Variants in LY75 observed in about 807,000 individuals in gnomAD.
LY75 encodes the protein lymphocyte antigen 75.
LY75 carries 185 observed loss-of-function variants against 231.7 expected under a neutral mutation model. That is an observed-to-expected ratio of 0.80 (90% CI 0.71 to 0.90). The LOEUF (loss-of-function observed/expected upper bound fraction) is 0.90, where lower values mean the gene tolerates loss of function less well. Among genes scored for constraint, LY75 ranks in the 40% least tolerant of loss-of-function variants. The pLI is 0.00. For missense variants in LY75, 1,947 were observed against 2,050.2 expected, an observed-to-expected ratio of 0.95 and a Z score of 0.97; for synonymous variants, 668 against 689.0, an observed-to-expected ratio of 0.97 and a Z score of 0.48.
At chr2:159,833,664 A>C (rs755331603) in intron 27 of LY75, among the ~76,000 whole-genome samples, 6 of 152,238 alleles carry the variant, frequency 3.9e-5, no homozygotes, top group Admixed American at 1.3e-4. Context: ...AAGTAATGAC[A>C]GTATAATATA....
chr2:159,807,022 T>C lies in LY75; in HGVS notation c.4941A>G (p.Lys1647=), dbSNP rs140851491. Residue 1647 remains lysine, a synonymous_variant, in exon 34 of 35, where the codon AAA becomes AAG. Coordinates refer to ENST00000263636, the MANE Select transcript of LY75 (RefSeq NM_002349.4). Reference sequence around the variant, plus strand: ...TTCCAAAACCATGTTCACATTCAACTTTTTTCCAAGTTTCATTTGAAGCTA... The same window carrying C: ...TTCCAAAACCATGTTCACATTCAACCTTTTTCCAAGTTTCATTTGAAGCTA... The part of the protein sequence containing the change: ...MLIASNETWK[K]VECEHGFGRV... 1 of 1,613,898 alleles carries C rather than the reference T, an allele frequency of 6.2e-7. No homozygotes were observed. The highest frequency in any genetic ancestry group is 2.2e-5 in the East Asian group (1 of 44,860).
At chr2:159,872,645 C>A in intron 12 of LY75, 52 bp from the exon 13 acceptor site, 1 of 1,585,490 alleles carries the variant, frequency 6.3e-7, no homozygotes, top group South Asian at 1.1e-5. Context: ...TAAAGTATTT[C>A]ATAGTGCTAA....
Position 159,805,019 on chromosome 2 carries a change from C to T in LY75, c.*25G>A. 2 of 1,597,278 alleles carry T rather than the reference C, an allele frequency of 1.3e-6. No individual in the cohort carries two copies. The highest frequency in any genetic ancestry group is 2.2e-5 in the South Asian group (2 of 90,138). ...ACTAATTTCTCATAACACATTAGTG[C>T]AAATTAGAAAACTTTTAGAAGAATT... On this transcript the variant is annotated 3_prime_UTR_variant, in exon 35 of 35. Coordinates refer to ENST00000263636, the MANE Select transcript of LY75 (RefSeq NM_002349.4).
At chr2:159,825,512 T>A (rs905215094) in intron 28 of LY75, among the ~76,000 whole-genome samples, 1 of 152,188 alleles carries the variant, frequency 6.6e-6, no homozygotes, top group South Asian at 2.1e-4. Context: ...GATTCACAGC[T>A]GAATTCTACC....
intron 32 of LY75, among the ~76,000 whole-genome samples, chr2:159,808,815 T>G (rs1682867507): frequency 2.0e-5 from 3 of 152,186 alleles, no homozygotes; most frequent in Admixed American, 2.0e-4. Flanking sequence ...TGGCAATATT[T>G]TTTTGGCCCT....
chr2:159,805,982 C>T (rs1414333893), intron 34 of LY75, among the ~76,000 whole-genome samples: 1 of 152,168 alleles, frequency 6.6e-6, no homozygotes, highest in Non-Finnish European at 1.5e-5. Context: ...CTTGTTCTGC[C>T]TTAGGCTCTT....
intron 16 of LY75, 148 bp from the exon 17 acceptor site, chr2:159,855,087 T>C (rs2125856987): frequency 1.0e-6 from 1 of 969,016 alleles, no homozygotes; most frequent in East Asian, 2.7e-5. Flanking sequence ...TTTGATCACT[T>C]TAGTTGTATT....
At position 159,890,313 on chromosome 2, in the gene LY75, A is replaced by G. The variant is rs115261904; in HGVS notation, c.702T>C (p.Thr234=). Residue 234 remains threonine (T), a synonymous_variant, in exon 4 of 35, where the codon ACT becomes ACC. Coordinates refer to ENST00000263636, the MANE Select transcript of LY75 (RefSeq NM_002349.4). ...EQFGSCYQFN[T]QTALSWKEAY... is the part of the protein sequence containing the mutation. ...CTTCTTTCCAAGAAAGAGCCGTCTG[A>G]GTATTAAATTGGTAGCAACTTCCAA... The G allele has an allele frequency of 6.2e-7, 1 of 1,613,534 alleles. No individual in the cohort carries two copies. Among genetic ancestry groups the G allele is most frequent in the East Asian group, 2.2e-5 (1 of 44,860 alleles).
intron 28 of LY75, among the ~76,000 whole-genome samples, chr2:159,831,168 C>T (rs1285640765): frequency 6.6e-6 from 1 of 152,184 alleles, no homozygotes; most frequent in Non-Finnish European, 1.5e-5. Context: ...GAGGAGGGGC[C>T]TGGTGGGAGG....
rs114527044 is a variant in LY75 at position 159,882,362 on chromosome 2, G to A, written c.1055-47C>T. 1.0e-3 allele frequency: 1,576 copies of A among 1,574,748 alleles called. 16 individuals carry two copies. In the African/African-American group the frequency reaches 0.02, roughly 20 times the overall value. On this transcript the variant is annotated intron_variant, in intron 6 of 34. Transcript: ENST00000263636. ...ATATTCCAGTAAAGATACATCTATT[G>A]TGAATCAATAACATTGCAAATTCTT...
intron 16 of LY75, among the ~76,000 whole-genome samples, chr2:159,855,687 A>C (rs1405115166): frequency 1.3e-5 from 2 of 152,254 alleles, no homozygotes; most frequent in East Asian, 3.9e-4. Context: ...TACCTGACTC[A>C]CAGAGAGTGA....
chr2:159,904,098 C>A (rs1471645279), intron 1 of LY75, among the ~76,000 whole-genome samples: 1 of 151,172 alleles, frequency 6.6e-6, no homozygotes, highest in East Asian at 1.9e-4. Flanking sequence ...CTGATGCGCA[C>A]CGTAGGCGCA....
intron 3 of LY75, 36 bp from the exon 4 acceptor site, chr2:159,890,413 G>C: frequency 6.2e-7 from 1 of 1,608,310 alleles, no homozygotes. Context: ...CATAAAGTAA[G>C]GACATAATGT....
At position 159,840,912 on chromosome 2, in the gene LY75, T is replaced by C. The variant is rs781494090; in HGVS notation, c.3324A>G (p.Val1108=). Residue 1108 remains valine, a synonymous_variant, in exon 25 of 35, where the codon GTA becomes GTG. Coordinates refer to ENST00000263636, the MANE Select transcript of LY75 (RefSeq NM_002349.4). ...RQTLQNASET[V]KYLNNLYKII... ...TTTTGTACAGATTATTTAGATACTT[T>C]ACAGTTTCTGAAGCATTCTGCAACG... 4 of 1,614,096 alleles carry C rather than the reference T, an allele frequency of 2.5e-6. No individual in the cohort carries two copies. The highest frequency in any genetic ancestry group is 2.2e-5 in the East Asian group (1 of 44,890).
At chr2:159,850,952 A>T (rs188701116) in intron 21 of LY75, among the ~76,000 whole-genome samples, 1 of 151,064 alleles carries the variant, frequency 6.6e-6, no homozygotes, top group East Asian at 1.9e-4. Flanking sequence ...CTCACAATGG[A>T]GACAGAAACT....
rs1228443876 is a variant in LY75, at chr2:159,874,668, ATTTT to A, written c.1974+772_1974+775del. 4.3e-4 allele frequency among the ~76,000 whole-genome samples: 47 copies of A among 109,168 alleles called. 1 individual carries two copies. Among genetic ancestry groups the A allele is most frequent in the African/African-American group, 1.6e-3 (44 of 27,200 alleles). The allele number at this position is 109,168 out of a possible 152,430, so 71.6% of individuals were successfully genotyped here. ...ATATATATTTTGTAAATATATATAT[ATTTT>A]GTAAATATATGTAAATATATATATT... On this transcript the variant is annotated intron_variant, in intron 12 of 34. Transcript: ENST00000263636.
At chr2:159,822,356 G>T (rs1683324084) in intron 28 of LY75, among the ~76,000 whole-genome samples, 1 of 152,240 alleles carries the variant, frequency 6.6e-6, no homozygotes, top group Non-Finnish European at 1.5e-5. Flanking sequence ...GGTCGGGGGA[G>T]TGGCATCCGC....
Position 159,875,483 on chromosome 2 carries a change from T to C in LY75, c.1935A>G (p.Glu645=), listed in dbSNP as rs777521541. 8.1e-6 allele frequency: 13 copies of C among 1,613,746 alleles called. No individual in the cohort carries two copies. The Admixed American group carries it at 1.0e-4, about 12-fold the overall frequency. Residue 645 remains glutamate, a synonymous_variant, in exon 12 of 35, where the codon GAA becomes GAG. Coordinates refer to ENST00000263636, the MANE Select transcript of LY75 (RefSeq NM_002349.4). The part of the protein sequence containing the change: ...ASPKPDDPCP[E]GWQSFPASLS... ...GACTTGCGGGGAAACTCTGCCAGCC[T>C]TCAGGACAGGGGTCATCAGGCTTAG...
intron 2 of LY75, among the ~76,000 whole-genome samples, chr2:159,897,233 C>A (rs1685931261): frequency 6.6e-6 from 1 of 152,132 alleles, no homozygotes; most frequent in African/African-American, 2.4e-5. Context: ...AAGAACCCTG[C>A]CAAGAAAATT....
Sources: gnomAD v4.1 joint callset for allele counts (sites outside exome capture counted in the v4.1 genomes callset) on GRCh38, gnomAD v4.1.1 for gene constraint, MANE v1.5 for transcripts, NCBI Gene and HGNC (gene_info 2026-07-23, HGNC 2026-07-21) for gene names.